FAM117A: variants seen among roughly 807,000 people sequenced by gnomAD.
FAM117A encodes protein FAM117A.
Under a neutral mutation model 44.1 loss-of-function variants are expected in FAM117A, and 21 were observed. The ratio of observed to expected loss-of-function variants is 0.48; its 90% CI spans 0.34 to 0.69. The LOEUF (loss-of-function observed/expected upper bound fraction) is 0.69. Ranked by LOEUF, FAM117A falls within the 30% of genes least tolerant of loss-of-function variation. FAM117A has a pLI of 0.01. For synonymous variants in FAM117A, 220 were observed against 238.3 expected, an observed-to-expected ratio of 0.92 and a Z score of 0.71; for missense variants, 498 against 589.9, an observed-to-expected ratio of 0.84 and a Z score of 1.61.
chr17:49,744,279 GTTTA>G (rs1390729050), intron 1 of FAM117A, among the ~76,000 whole-genome samples: 2 of 152,012 alleles, frequency 1.3e-5, no homozygotes, highest in Non-Finnish European at 2.9e-5. Flanking sequence ...TTTATTATTT[GTTTA>G]TTTATTTTTC....
Position 49,751,994 on chromosome 17 carries a change from G to A in FAM117A, c.196+11898C>T, listed in dbSNP as rs1373392860. Among the ~76,000 whole-genome samples, 4 of 145,718 alleles carry A rather than the reference G, an allele frequency of 2.7e-5. No homozygotes were observed. The South Asian group carries it at 6.9e-4, about 25-fold the overall frequency. Reference sequence around the variant, plus strand: ...TTCTAGGCCAGATGCAATGGCTCACGCCTGCAATCCCAGCACTTTGGGAGG... The same window carrying A: ...TTCTAGGCCAGATGCAATGGCTCACACCTGCAATCCCAGCACTTTGGGAGG... On this transcript the variant is annotated intron_variant, in intron 1 of 7. Transcript: ENST00000240364.
At chr17:49,711,911 A>G (rs2073480726) in intron 7 of FAM117A, among the ~76,000 whole-genome samples, 2 of 152,206 alleles carry the variant, frequency 1.3e-5, no homozygotes, top group South Asian at 4.1e-4. Context: ...TTGGAAGGCC[A>G]AGGTGGATGG....
chr17:49,718,215 C>G (rs1389546523), intron 5 of FAM117A, among the ~76,000 whole-genome samples: 2 of 152,222 alleles, frequency 1.3e-5, no homozygotes, highest in Admixed American at 6.5e-5. Context: ...CTGTAGCTCA[C>G]CAAATTATGT....
chr17:49,764,239 G>A (rs1276965628), upstream of FAM117A: 1 of 410,012 alleles, frequency 2.4e-6, no homozygotes. Context: ...TTCCACCCCA[G>A]CCAATCCACA....
chr17:49,783,323 G>A (rs1399126099), intron 1 of FAM117A, among the ~76,000 whole-genome samples: 1 of 152,234 alleles, frequency 6.6e-6, no homozygotes, highest in Non-Finnish European at 1.5e-5. Context: ...TTGGATCAGG[G>A]AAGGGAGGTA....
intron 1 of FAM117A, among the ~76,000 whole-genome samples, chr17:49,785,520 C>CA (rs377023260): frequency 6.6e-6 from 1 of 151,890 alleles, no homozygotes; most frequent in Non-Finnish European, 1.5e-5. Context: ...TCTTAAAAAA[C>CA]AAAAAACAAA....
intron 1 of FAM117A, among the ~76,000 whole-genome samples, chr17:49,746,203 T>C (rs1271223726): frequency 1.3e-5 from 2 of 152,166 alleles, no homozygotes; most frequent in East Asian, 1.9e-4. Flanking sequence ...GATAAGACCA[T>C]TGTGGCAAAA....
At chr17:49,766,768 C>G (rs1187235642), upstream of FAM117A, among the ~76,000 whole-genome samples, 1 of 152,228 alleles carries the variant, frequency 6.6e-6, no homozygotes, top group Non-Finnish European at 1.5e-5. Context: ...GGCTTCCTCT[C>G]TCTGTGCCAG....
At chr17:49,773,902 C>T (rs1218694420) in intron 1 of FAM117A, among the ~76,000 whole-genome samples, 1 of 152,024 alleles carries the variant, frequency 6.6e-6, no homozygotes, top group Non-Finnish European at 1.5e-5. Context: ...TACAGGCATG[C>T]GCCACCACGC....
At chr17:49,780,077 G>A (rs1263716168) in intron 1 of FAM117A, among the ~76,000 whole-genome samples, 1 of 152,178 alleles carries the variant, frequency 6.6e-6, no homozygotes, top group African/African-American at 2.4e-5. Context: ...CTTAAATAGA[G>A]AAAATGTGTT....
At chr17:49,717,791 T>G in intron 5 of FAM117A, 77 bp from the exon 6 acceptor site, 383 of 1,202,846 alleles carry the variant, frequency 3.2e-4, no homozygotes, top group Non-Finnish European at 4.1e-4. Flanking sequence ...CCAAGGGTAT[T>G]TCCCTTGCTG....
At chr17:49,774,884 T>A (rs1407730610) in intron 1 of FAM117A, among the ~76,000 whole-genome samples, 2 of 152,268 alleles carry the variant, frequency 1.3e-5, no homozygotes, top group South Asian at 2.1e-4. Flanking sequence ...CCTCATTAAG[T>A]AAAAGAGTTT....
intron 1 of FAM117A, 84 bp downstream of exon 1, chr17:49,763,808 C>T (rs1163567071): frequency 2.0e-6 from 1 of 489,524 alleles, no homozygotes; most frequent in Non-Finnish European, 2.8e-6. Context: ...TCCCCTCACA[C>T]TTCTCCCCGT....
exon 1 of FAM117A, chr17:49,788,584 G>T: frequency 2.4e-6 from 1 of 412,822 alleles, no homozygotes; most frequent in Non-Finnish European, 4.3e-6. Context: ...TCACCAAAAG[G>T]ATCGAACTTC....
rs1704649879 is a variant in FAM117A, at chr17:49,732,691, T to C, written c.226A>G (p.Lys76Glu). 2 of 1,613,744 alleles carry C rather than the reference T, an allele frequency of 1.2e-6. No homozygotes were observed. Among genetic ancestry groups the C allele is most frequent in the Non-Finnish European group, 1.7e-6 (2 of 1,179,878 alleles). Residue 76 changes from lysine (K) to glutamate (E), a missense_variant, in exon 2 of 8, where the codon AAG becomes GAG. Physicochemically the swap from Lys to Glu is moderately conservative, Grantham distance 56 (BLOSUM62 1). This residue lies in a region of FAM117A where 270 missense variants were observed against 277.4 expected (regional missense o/e 0.97). Transcript: ENST00000240364. ...AGTGGCTGAGGCCTACACACTGACT[T>C]TTCTGGGGCCACCGAGCATGGGACG... ...ASVPCSVAPE[K>E]SVCRPQPLQV...
chr17:49,774,171 ACT>A (rs964759072), intron 1 of FAM117A, among the ~76,000 whole-genome samples: 1 of 151,866 alleles, frequency 6.6e-6, no homozygotes, highest in South Asian at 2.1e-4. Flanking sequence ...AGATAGTCTC[ACT>A]CTCTCTCTGT....
chr17:49,749,724 T>C (rs866837223), intron 1 of FAM117A, among the ~76,000 whole-genome samples: 1 of 148,578 alleles, frequency 6.7e-6, no homozygotes, highest in South Asian at 2.1e-4. Context: ...GCTGCAACCC[T>C]GCTGACTCCA....
intron 1 of FAM117A, among the ~76,000 whole-genome samples, chr17:49,771,475 G>A (rs2073760806): frequency 1.6e-5 from 1 of 63,688 alleles, no homozygotes. Flanking sequence ...ATCCAGGCTG[G>A]TATTTCTCAT....
At chr17:49,747,132 A>G (rs947001062) in intron 1 of FAM117A, 4 of 150,914 alleles carry the variant, frequency 2.7e-5, no homozygotes, top group Admixed American at 2.0e-4. Flanking sequence ...TTGGGGCAAG[A>G]TAAGTAGAAA....
Sources: gnomAD v4.1 joint callset for allele counts (sites outside exome capture counted in the v4.1 genomes callset) on GRCh38, gnomAD v4.1.1 for gene constraint, gnomAD v4.1.1 regional missense constraint, MANE v1.5 for transcripts, NCBI Gene and HGNC (gene_info 2026-07-23, HGNC 2026-07-21) for gene names.